The following TBC1D1 variants were observed in gnomAD, a reference collection of about 807,000 sequenced individuals.
TBC1D1 encodes the protein TBC1 domain family member 1.
Under a neutral mutation model 125.6 loss-of-function variants are expected in TBC1D1, and 89 were observed. The ratio of observed to expected loss-of-function variants is 0.71; its 90% CI spans 0.60 to 0.85. TBC1D1 has a LOEUF of 0.85. Among genes scored for constraint, TBC1D1 ranks in the 40% least tolerant of loss-of-function variants. The probability of loss-of-function intolerance (pLI) is 0.00; values close to 1 mark genes in which losing one functional copy is unlikely to be tolerated. For missense variants in TBC1D1, 1,377 were observed against 1,469.2 expected (o/e 0.94, Z 1.03); for synonymous variants, 565 against 564.1 (o/e 1.00, Z -0.02).
chr4:38,104,957 G>A (rs375112649), intron 15 of TBC1D1, among the ~76,000 whole-genome samples: 31 of 152,002 alleles, frequency 2.0e-4, no homozygotes, highest in African/African-American at 6.8e-4. Flanking sequence ...GGGTTTCACC[G>A]TGTTAGCCAG....
chr4:38,055,063 A>G (rs747902131), intron 12 of TBC1D1: 1 of 152,106 alleles, frequency 6.6e-6, no homozygotes, highest in East Asian at 1.9e-4. Context: ...CCACTCGCCC[A>G]GCTCCCGAGA....
At chr4:38,055,530 T>C (rs944059614) in intron 12 of TBC1D1, among the ~76,000 whole-genome samples, 20 of 152,228 alleles carry the variant, frequency 1.3e-4, no homozygotes, top group African/African-American at 4.8e-4. Flanking sequence ...CCTCCCATGC[T>C]GTGGAAGTCC....
At chr4:37,972,263 C>A (rs141473767) in intron 2 of TBC1D1, among the ~76,000 whole-genome samples, 1 of 151,976 alleles carries the variant, frequency 6.6e-6, no homozygotes, top group Non-Finnish European at 1.5e-5. Context: ...GGGTGGATCA[C>A]CTGAGGTAGG....
In TBC1D1 at chr4:38,014,933, A is replaced by G; in HGVS notation, c.842A>G (p.Gln281Arg). The G allele has an allele frequency of 6.4e-7, 1 of 1,566,348 alleles. No homozygotes were observed. Among genetic ancestry groups the G allele is most frequent in the South Asian group, 1.2e-5 (1 of 86,938 alleles). The stretch of plus-strand genomic sequence containing the variant: ...CTCATTAGCGGACACAATATTGTGC[A>G]GCCCACAGATATCGAGGAAAATCGA... Residue 281 changes from glutamine to arginine, a missense_variant, in exon 3 of 20, where the codon CAG becomes CGG. Gln to Arg is a conservative substitution (Grantham distance 43, BLOSUM62 1). Transcript: ENST00000261439. This position sits in a 1 kb window ranked among gnomAD's most constrained non-coding sequence, Gnocchi z 5.1.
At chr4:38,042,549 C>A (rs1308766988) in intron 8 of TBC1D1, among the ~76,000 whole-genome samples, 1 of 152,176 alleles carries the variant, frequency 6.6e-6, no homozygotes, top group Non-Finnish European at 1.5e-5. Flanking sequence ...GCCACTGCAC[C>A]TGGCCTTGGT....
chr4:38,007,741 G>A (rs919393278), intron 2 of TBC1D1, among the ~76,000 whole-genome samples: 13 of 152,130 alleles, frequency 8.5e-5, no homozygotes, highest in African/African-American at 3.1e-4. Flanking sequence ...TCATCTCTGC[G>A]GTAAGCATGG....
intron 13 of TBC1D1, among the ~76,000 whole-genome samples, chr4:38,094,011 C>G (rs552701463): frequency 1.3e-5 from 2 of 152,186 alleles, no homozygotes; most frequent in African/African-American, 4.8e-5. Flanking sequence ...TTTTGAATTA[C>G]AGTTGATGTT....
intron 14 of TBC1D1, among the ~76,000 whole-genome samples, chr4:38,100,721 T>A (rs1044154356): frequency 2.6e-5 from 4 of 152,088 alleles, no homozygotes; most frequent in African/African-American, 9.7e-5. Context: ...TTAAAAAAAA[T>A]GATACGTGAA....
chr4:38,041,321 A>G (rs147101571), intron 8 of TBC1D1, among the ~76,000 whole-genome samples: 2 of 152,362 alleles, frequency 1.3e-5, no homozygotes, highest in Non-Finnish European at 1.5e-5. Flanking sequence ...TTAAAAAGTG[A>G]CAATACCGTA....
At chr4:38,071,932 A>G (rs933291714) in intron 12 of TBC1D1, among the ~76,000 whole-genome samples, 6 of 152,174 alleles carry the variant, frequency 3.9e-5, no homozygotes, top group African/African-American at 9.7e-5. Flanking sequence ...ATTTAGGAAT[A>G]GTGTCTAGGG....
intron 2 of TBC1D1, among the ~76,000 whole-genome samples, chr4:37,914,703 TC>T (rs1560470931): frequency 6.6e-6 from 1 of 152,226 alleles, no homozygotes; most frequent in Admixed American, 6.5e-5. Context: ...CTGGGGCCTA[TC>T]ATGTAGACTT....
At position 38,049,799 on chromosome 4, in the gene TBC1D1, G is replaced by A; in HGVS notation, c.1811G>A (p.Cys604Tyr). ...ACCCTGAGTCACTTCCCCATCGAAT[G>A]CCAGGAACCTCCACAACCTGCCCGG... Residue 604 changes from cysteine (C) to tyrosine (Y), a missense_variant, in exon 11 of 20, where the codon TGC becomes TAC. Cys to Tyr is a radical substitution (Grantham distance 194). Transcript: ENST00000261439. 6.2e-7 allele frequency: 1 copy of A among 1,614,152 alleles called. No individual in the cohort carries two copies. Among genetic ancestry groups the A allele is most frequent in the South Asian group, 1.1e-5 (1 of 91,086 alleles).
intron 19 of TBC1D1, 57 bp downstream of exon 21, chr4:38,133,314 C>A: frequency 6.5e-7 from 1 of 1,530,434 alleles, no homozygotes; most frequent in Non-Finnish European, 8.9e-7. Context: ...AGTTCATTAA[C>A]TCACCAAAGG....
chr4:37,941,267 G>A (rs565245172), intron 2 of TBC1D1, among the ~76,000 whole-genome samples: 3 of 152,058 alleles, frequency 2.0e-5, no homozygotes, highest in Admixed American at 1.3e-4. Context: ...TGTATGTGTC[G>A]AGGAATTTAT....
intron 2 of TBC1D1, among the ~76,000 whole-genome samples, chr4:38,003,812 G>A (rs1330310111): frequency 6.6e-6 from 1 of 150,572 alleles, no homozygotes; most frequent in Non-Finnish European, 1.5e-5. Context: ...AGGCTGTGGT[G>A]AGCTATGATT....
At chr4:37,914,616 A>G (rs770077815) in intron 2 of TBC1D1, among the ~76,000 whole-genome samples, 4 of 152,126 alleles carry the variant, frequency 2.6e-5, no homozygotes, top group Non-Finnish European at 5.9e-5. Flanking sequence ...CTAAAACCCA[A>G]TGAAATCATG....
At chr4:38,119,726 A>T (rs1350535673) in intron 17 of TBC1D1, among the ~76,000 whole-genome samples, 1 of 152,236 alleles carries the variant, frequency 6.6e-6, no homozygotes, top group Non-Finnish European at 1.5e-5. Flanking sequence ...TGATTTTCAT[A>T]CAGGGTCATG....
chr4:38,127,492 T>C (rs1764856481), intron 18 of TBC1D1, among the ~76,000 whole-genome samples: 1 of 151,386 alleles, frequency 6.6e-6, no homozygotes, highest in Admixed American at 6.6e-5. Flanking sequence ...TCAAGCATTC[T>C]CGTGCCTCAG....
At chr4:37,940,056 G>A (rs1301814566) in intron 2 of TBC1D1, among the ~76,000 whole-genome samples, 1 of 152,156 alleles carries the variant, frequency 6.6e-6, no homozygotes, top group East Asian at 1.9e-4. Context: ...CCAATTCTGT[G>A]AAGAAAGTCA....
Sources: gnomAD v4.1 joint callset for allele counts (sites outside exome capture counted in the v4.1 genomes callset) on GRCh38, gnomAD v4.1.1 for gene constraint, Gnocchi (gnomAD v3.1) non-coding constraint, MANE v1.5 for transcripts, NCBI Gene and HGNC (gene_info 2026-07-23, HGNC 2026-07-21) for gene names.